The following ZNF888 variants were observed in gnomAD, a reference collection of about 807,000 sequenced individuals.
The protein encoded by ZNF888 is zinc finger protein 888.
Under a neutral mutation model 7.2 loss-of-function variants are expected in ZNF888, and 5 were observed. That is an observed-to-expected ratio of 0.70 (90% CI 0.36 to 1.46). The LOEUF (loss-of-function observed/expected upper bound fraction) is 1.46, where lower values mean the gene tolerates loss of function less well. Among genes scored for constraint, ZNF888 ranks in the 40% most tolerant of loss-of-function variants. The probability of loss-of-function intolerance (pLI) is 0.03; values close to 1 mark genes in which losing one functional copy is unlikely to be tolerated. For missense variants in ZNF888, 716 were observed against 858.0 expected (o/e 0.83, Z 2.07); for synonymous variants, 240 against 284.3 (o/e 0.84, Z 1.57).
In ZNF888 at chr19:52,915,536, A is replaced by G. The variant is rs529376844; in HGVS notation, c.16-214T>C. Among the ~76,000 whole-genome samples, 19 of 89,292 alleles carry G rather than the reference A, an allele frequency of 2.1e-4. No homozygotes were observed. The East Asian group carries it at 3.6e-3, about 17-fold the overall frequency. 58.6% of individuals were successfully genotyped at this position (89,292 alleles called of 152,430 possible). On this transcript the variant is annotated intron_variant, in intron 3 of 4. Coordinates refer to ENST00000638862, the MANE Select transcript of ZNF888 (RefSeq NM_001393938.1). ...GTCGCCCAGGCTGGAGTGCAGTGGCATGATCTCGGCTCACTGCAAGCTCTA... is the reference window on the plus strand; with the variant it reads ...GTCGCCCAGGCTGGAGTGCAGTGGCGTGATCTCGGCTCACTGCAAGCTCTA...
Position 52,919,925 on chromosome 19 carries a change from G to A in ZNF888, c.-177-988C>T, listed in dbSNP as rs1409807823. ...AAGTGAGGAGCCCCTCCGTCCGGCA[G>A]CCACCCCGTCTGGGAAGTGAGGAGC... On this transcript the variant is annotated intron_variant, in intron 1 of 4. Transcript: ENST00000638862. Among the ~76,000 whole-genome samples the A allele has an allele frequency of 4.1e-3, 215 of 52,940 alleles. 32 individuals carry two copies. Among genetic ancestry groups the A allele is most frequent in the African/African-American group, 9.6e-3 (138 of 14,324 alleles). 34.7% of individuals were successfully genotyped at this position (52,940 alleles called of 152,430 possible).
In ZNF888 at chr19:52,919,991, C is replaced by T. The variant is rs1190065046; in HGVS notation, c.-177-1054G>A. Among the ~76,000 whole-genome samples, 14 of 46,114 alleles carry T rather than the reference C, an allele frequency of 3.0e-4. 5 individuals carry two copies. The highest frequency in any genetic ancestry group is 6.0e-4 in the African/African-American group (6 of 9,958). The allele number at this position is 46,114 out of a possible 152,430, so 30.3% of individuals were successfully genotyped here. A position where few individuals can be genotyped will look rare whatever the true frequency, so the allele number is the denominator to read the frequency against. On this transcript the variant is annotated intron_variant, in intron 1 of 4. Transcript: ENST00000638862. ...GCCGCCCCGTCCGGGAGGTGAGGGGCGCCTCTGCCCGGCCGCCCCTACTGG... is the reference window on the plus strand; with the variant it reads ...GCCGCCCCGTCCGGGAGGTGAGGGGTGCCTCTGCCCGGCCGCCCCTACTGG...
In ZNF888 at chr19:52,923,138, T is replaced by C. The variant is rs559991021; in HGVS notation, c.-178+231A>G. On this transcript the variant is annotated intron_variant, in intron 1 of 4. Transcript: ENST00000638862. ...GGTTGTGAACGGGAAAACTACGCGA[T>C]ACAAACTGTATACATTGCCCTATAG... Among the ~76,000 whole-genome samples, 47 of 152,206 alleles carry C rather than the reference T, an allele frequency of 3.1e-4. 1 individual carries two copies. Among genetic ancestry groups the C allele is most frequent in the Middle Eastern group, 6.8e-3 (2 of 294 alleles).
chr19:52,922,350 T>C (rs144136721), intron 1 of ZNF888, among the ~76,000 whole-genome samples: 21 of 152,106 alleles, frequency 1.4e-4, no homozygotes, highest in East Asian at 5.8e-4. Flanking sequence ...ATTTCCCAGG[T>C]GTCCTCCCTG....
rs2064628902 is a variant in ZNF888 at position 52,907,760 on chromosome 19, A to C, written c.562T>G (p.Ser188Ala). Residue 188 changes from serine to alanine, a missense_variant, in exon 5 of 5, where the codon TCT (serine) becomes GCT (alanine). Around this residue, in one of 2 missense-constraint regions of ZNF888, gnomAD observed 697 missense variants for 803.4 expected, o/e 0.87. Coordinates refer to ENST00000638862, the MANE Select transcript of ZNF888 (RefSeq NM_001393938.1). ...AAGAAATTATTCCCATAGTTATTAG[A>C]AATATGGGTTTTGGGCCTACAAGAA... ...RISCRPKTHI[S>A]NNYGNNFFHS... 6.2e-7 allele frequency: 1 copy of C among 1,614,072 alleles called. No homozygotes were observed. The highest frequency in any genetic ancestry group is 1.7e-5 in the Admixed American group (1 of 60,024).
At chr19:52,909,250 G>A (rs920414792) in intron 4 of ZNF888, among the ~76,000 whole-genome samples, 5 of 148,086 alleles carry the variant, frequency 3.4e-5, no homozygotes, top group Admixed American at 3.3e-4. Flanking sequence ...AAAAATTTTT[G>A]TATTTTTTTT....
In ZNF888 at chr19:52,908,014, T is replaced by C. The variant is rs2064632435; in HGVS notation, c.308A>G (p.Asp103Gly). ...IHDFVFQWQE[D>G]ETNGHEAPMT... ...GGGTGCTTCATGGCCATTTGTTTCA[T>C]CTTCTTGCCACTGAAACACAAAGTC... Residue 103 changes from aspartate (D) to glycine (G), a missense_variant, in exon 5 of 5, where the codon GAT becomes GGT. Asp to Gly is a moderately conservative substitution (Grantham distance 94). Around this residue, in one of 2 missense-constraint regions of ZNF888, gnomAD observed 697 missense variants for 803.4 expected, o/e 0.87. Coordinates refer to ENST00000638862, the MANE Select transcript of ZNF888 (RefSeq NM_001393938.1). The C allele has an allele frequency of 6.2e-7, 1 of 1,614,052 alleles. No homozygotes were observed. Among genetic ancestry groups the C allele is most frequent in the Non-Finnish European group, 8.5e-7 (1 of 1,180,032 alleles).
chr19:52,912,169 C>G (rs8104558), intron 4 of ZNF888, among the ~76,000 whole-genome samples: 97,672 of 145,134 alleles, frequency 0.67, 32,910 homozygotes, highest in Admixed American at 0.73. Flanking sequence ...GCTGGAGTGT[C>G]GTGGCAAGAT....
Position 52,907,583 on chromosome 19 carries a change from A to G in ZNF888, c.739T>C (p.Cys247Arg). ...LGEKQYKCDV[C>R]GKDFNQKRYL... ...CGCTTCTGATTAAAGTCTTTGCCACATACATCACATTTATATTGTTTCTCT... is the reference window on the plus strand; with the variant it reads ...CGCTTCTGATTAAAGTCTTTGCCACGTACATCACATTTATATTGTTTCTCT... Residue 247 changes from cysteine to arginine, a missense_variant, in exon 5 of 5, where the codon TGT becomes CGT. By Grantham distance (180) the Cys-to-Arg change is radical. Coordinates refer to ENST00000638862, the MANE Select transcript of ZNF888 (RefSeq NM_001393938.1). 1 of 1,607,694 alleles carries G rather than the reference A, an allele frequency of 6.2e-7. No individual in the cohort carries two copies. The highest frequency in any genetic ancestry group is 8.5e-7 in the Non-Finnish European group (1 of 1,177,442).
In ZNF888 at chr19:52,906,227, A is replaced by G; in HGVS notation, c.2095T>C (p.Phe699Leu). Residue 699 changes from phenylalanine (F) to leucine (L), a missense_variant, in exon 5 of 5, where the codon TTT (phenylalanine) becomes CTT (leucine). Phe to Leu is a conservative substitution (Grantham distance 22). Coordinates refer to ENST00000638862, the MANE Select transcript of ZNF888 (RefSeq NM_001393938.1). ...PFKCSECGKA[F>L]RAQSTLIHHQ... is the part of the protein sequence containing the mutation. ...TGAATAAGTGTTGACTGTGCACGAA[A>G]GGCTTTGCCACACTCACTACACTTG... is the stretch of plus-strand genomic sequence containing the variant. 6.2e-7 allele frequency: 1 copy of G among 1,610,278 alleles called. No homozygotes were observed. Among genetic ancestry groups the G allele is most frequent in the South Asian group, 1.1e-5 (1 of 90,574 alleles).
At chr19:52,917,539 ACAGTGCATC>A (rs2064765339) in intron 3 of ZNF888, 3 of 649,048 alleles carry the variant, frequency 4.6e-6, no homozygotes, top group Middle Eastern at 7.8e-4. Context: ...CAGAAAACTG[ACAGTGCATC>A]CAGATGCGGC....
rs534504139 is a variant in ZNF888, at chr19:52,907,256, A to G, written c.1066T>C (p.Cys356Arg). ...CTGAAAACTTTGTCACATTCTTTAC[A>G]TTGGTAAGGTTTCTCTCCAGTATGA... ...RVHTGEKPYQ[C>R]KECDKVFSRK... Residue 356 changes from cysteine (C) to arginine (R), a missense_variant, in exon 5 of 5, where the codon TGT (cysteine) becomes CGT (arginine). By Grantham distance (180) the Cys-to-Arg change is radical. Transcript: ENST00000638862. 3.7e-6 allele frequency: 6 copies of G among 1,612,822 alleles called. No homozygotes were observed. The Admixed American group carries it at 5.0e-5, about 13-fold the overall frequency.
chr19:52,906,824 C>T lies in ZNF888; in HGVS notation c.1498G>A (p.Asp500Asn). Reference protein sequence around the residue: ...GEKPYKCKVCDKAFRRDSHLA... With the variant: ...GEKPYKCKVCNKAFRRDSHLA... ...TGTGAATCACGTCTGAAAGCCTTGT[C>T]ACAAACCTTACATTTGTATGGTTTC... The change falls in exon 5 of 5, where the codon GAC becomes AAC. Residue 500 changes from aspartate (D) to asparagine (N), a missense_variant. Transcript: ENST00000638862. 1 of 1,613,470 alleles carries T rather than the reference C, an allele frequency of 6.2e-7. No individual in the cohort carries two copies. The highest frequency in any genetic ancestry group is 8.5e-7 in the Non-Finnish European group (1 of 1,179,770).
chr19:52,914,726 G>C (rs1043601340), intron 4 of ZNF888, among the ~76,000 whole-genome samples: 1 of 152,168 alleles, frequency 6.6e-6, no homozygotes, highest in Admixed American at 6.5e-5. Flanking sequence ...GAGTGCAGTG[G>C]TGTGTTCTCG....
chr19:52,911,145 C>T (rs28693728), intron 4 of ZNF888, among the ~76,000 whole-genome samples: 30,027 of 151,934 alleles, frequency 0.2, 3,178 homozygotes, highest in Non-Finnish European at 0.23. Flanking sequence ...TCCCAAAGTG[C>T]TGGAATTACA....
chr19:52,911,531 G>A (rs1434945508), intron 4 of ZNF888, among the ~76,000 whole-genome samples: 1 of 151,298 alleles, frequency 6.6e-6, no homozygotes, highest in Non-Finnish European at 1.5e-5. Context: ...GTAGAGACGG[G>A]GTTTCACCAT....
At chr19:52,910,406 G>A (rs2064664802) in intron 4 of ZNF888, among the ~76,000 whole-genome samples, 1 of 152,178 alleles carries the variant, frequency 6.6e-6, no homozygotes, top group Non-Finnish European at 1.5e-5. Flanking sequence ...GGGAGGCGGA[G>A]GATGCAGTGA....
At chr19:52,922,760 GAGAAGCGC>G (rs2064836562) in intron 1 of ZNF888, among the ~76,000 whole-genome samples, 1 of 152,158 alleles carries the variant, frequency 6.6e-6, no homozygotes, top group Non-Finnish European at 1.5e-5. Context: ...CTGCATCCCA[GAGAAGCGC>G]ATTTTCCAGG....
rs1320341027 is a variant in ZNF888, at chr19:52,906,535, T to C, written c.1787A>G (p.His596Arg). 28 of 1,613,764 alleles carry C rather than the reference T, an allele frequency of 1.7e-5. No homozygotes were observed. The highest frequency in any genetic ancestry group is 2.0e-5 in the Non-Finnish European group (24 of 1,179,842). The change falls in exon 5 of 5, where the codon CAT becomes CGT. Residue 596 changes from histidine (H) to arginine (R), a missense_variant. Coordinates refer to ENST00000638862, the MANE Select transcript of ZNF888 (RefSeq NM_001393938.1). The part of the protein sequence containing the change: ...VFRTQSQLAC[H>R]HRLHTGEKPY... ...TTTCTCTCCAGTATGAAGTCTATGATGACATGCAAGTTGTGACTGTGTCCT... is the reference window on the plus strand; with the variant it reads ...TTTCTCTCCAGTATGAAGTCTATGACGACATGCAAGTTGTGACTGTGTCCT...
Sources: gnomAD v4.1 joint callset for allele counts (sites outside exome capture counted in the v4.1 genomes callset) on GRCh38, gnomAD v4.1.1 for gene constraint, gnomAD v4.1.1 regional missense constraint, MANE v1.5 for transcripts, NCBI Gene and HGNC (gene_info 2026-07-23, HGNC 2026-07-21) for gene names.